EPHA3: variants seen among roughly 807,000 people sequenced by gnomAD.
EPHA3 encodes the protein ephrin type-A receptor 3.
EPHA3 carries 42 observed loss-of-function variants against 107.1 expected under a neutral mutation model. The ratio of observed to expected loss-of-function variants is 0.39; its 90% confidence interval spans 0.31 to 0.51. EPHA3 has a LOEUF of 0.51. Ranked by LOEUF, EPHA3 falls within the 20% of genes least tolerant of loss-of-function variation. EPHA3 has a pLI of 0.78. For missense variants in EPHA3, 1,183 were observed against 1,211.2 expected, an observed-to-expected ratio of 0.98 and a Z score of 0.35; for synonymous variants, 461 against 424.8, an observed-to-expected ratio of 1.09 and a Z score of -1.05.
At chr3:89,232,089 C>A (rs1024059251) in intron 3 of EPHA3, among the ~76,000 whole-genome samples, 1 of 151,960 alleles carries the variant, frequency 6.6e-6, no homozygotes, top group Non-Finnish European at 1.5e-5. Context: ...TCAGAAGGTG[C>A]CCTTTCTGCT....
intron 2 of EPHA3, 83 bp downstream of exon 2, chr3:89,127,356 G>A: frequency 3.7e-6 from 4 of 1,068,524 alleles, no homozygotes; most frequent in Non-Finnish European, 5.7e-6. Flanking sequence ...ATTCTCTAAA[G>A]AGAACTCTTG....
At chr3:89,212,591 T>C (rs1022737442) in intron 3 of EPHA3, among the ~76,000 whole-genome samples, 3 of 18,728 alleles carry the variant, frequency 1.6e-4, no homozygotes, top group African/African-American at 7.1e-4. Flanking sequence ...GGAAACATCA[T>C]GATTTTTTTT....
chr3:89,344,335 C>G (rs1439227108), intron 5 of EPHA3, among the ~76,000 whole-genome samples: 1 of 152,098 alleles, frequency 6.6e-6, no homozygotes, highest in Non-Finnish European at 1.5e-5. Flanking sequence ...AGTTACAAAT[C>G]ACAGTTTAAG....
chr3:89,399,868 A>G, intron 7 of EPHA3: 1 of 1,074,810 alleles, frequency 9.3e-7, no homozygotes, highest in Non-Finnish European at 1.1e-6. Context: ...ATCCATGAGA[A>G]TCTTAATTTT....
intron 2 of EPHA3, among the ~76,000 whole-genome samples, chr3:89,196,864 C>T (rs1009412799): frequency 1.3e-5 from 2 of 152,096 alleles, no homozygotes; most frequent in African/African-American, 4.8e-5. Context: ...TCTATAAAAT[C>T]CCGTGGCTCT....
At chr3:89,221,507 C>A (rs1470586235) in intron 3 of EPHA3, among the ~76,000 whole-genome samples, 1 of 152,034 alleles carries the variant, frequency 6.6e-6, no homozygotes, top group Non-Finnish European at 1.5e-5. Flanking sequence ...CCTTTTTGGT[C>A]TACTCTTCAC....
chr3:89,427,432 G>T (rs1709481226), intron 11 of EPHA3, among the ~76,000 whole-genome samples: 1 of 151,806 alleles, frequency 6.6e-6, no homozygotes, highest in Non-Finnish European at 1.5e-5. Context: ...AGACACATAG[G>T]AGGAAAAGTT....
intron 2 of EPHA3, among the ~76,000 whole-genome samples, chr3:89,184,399 C>T (rs1248362334): frequency 1.3e-5 from 2 of 151,964 alleles, no homozygotes; most frequent in African/African-American, 4.8e-5. Context: ...GAAAGGCCTC[C>T]ATTCATTGGG....
At chr3:89,164,318 G>T (rs915451411) in intron 2 of EPHA3, among the ~76,000 whole-genome samples, 2 of 152,208 alleles carry the variant, frequency 1.3e-5, no homozygotes, top group African/African-American at 4.8e-5. Flanking sequence ...GTACGGATTT[G>T]TGTTGAGCCA....
chr3:89,341,487 G>T (rs1707519666), intron 4 of EPHA3, among the ~76,000 whole-genome samples: 1 of 152,108 alleles, frequency 6.6e-6, no homozygotes, highest in African/African-American at 2.4e-5. Flanking sequence ...ATTCACAAGG[G>T]TTTTGAACAT....
intron 3 of EPHA3, among the ~76,000 whole-genome samples, chr3:89,289,363 G>A (rs772423325): frequency 1.1e-4 from 16 of 151,974 alleles, no homozygotes; most frequent in Non-Finnish European, 2.1e-4. Context: ...ATTAAAGTTG[G>A]TACTCAACAT....
intron 15 of EPHA3, among the ~76,000 whole-genome samples, chr3:89,460,828 T>C (rs1710218514): frequency 7.1e-6 from 1 of 140,290 alleles, no homozygotes; most frequent in South Asian, 2.1e-4. Context: ...TCTCTCTTTT[T>C]TTTTTTTTTT....
At chr3:89,393,774 A>C (rs1453086750) in intron 5 of EPHA3, among the ~76,000 whole-genome samples, 1 of 133,624 alleles carries the variant, frequency 7.5e-6, no homozygotes, top group Non-Finnish European at 1.7e-5. Flanking sequence ...AAAGTAAGCA[A>C]AAATAAATTT....
chr3:89,179,394 C>A (rs1705388005), intron 2 of EPHA3, among the ~76,000 whole-genome samples: 1 of 151,898 alleles, frequency 6.6e-6, no homozygotes, highest in Non-Finnish European at 1.5e-5. Flanking sequence ...TAGTTACCAC[C>A]ATTTGCCTTT....
chr3:89,393,675 T>A (rs998905627), intron 5 of EPHA3, among the ~76,000 whole-genome samples: 2 of 152,182 alleles, frequency 1.3e-5, no homozygotes, highest in Non-Finnish European at 2.9e-5. Context: ...ATTTCCTCAT[T>A]GTAGAAAATG....
At chr3:89,352,230 CT>C (rs1707842624) in intron 5 of EPHA3, among the ~76,000 whole-genome samples, 1 of 151,372 alleles carries the variant, frequency 6.6e-6, no homozygotes, top group Non-Finnish European at 1.5e-5. Context: ...CAACCTCCTT[CT>C]TTTCCCCTTA....
intron 3 of EPHA3, among the ~76,000 whole-genome samples, chr3:89,337,576 C>T (rs1210021129): frequency 1.3e-5 from 2 of 152,302 alleles, no homozygotes; most frequent in Admixed American, 1.3e-4. Flanking sequence ...AAATGACTAT[C>T]TATTCATTCG....
At chr3:89,471,256 C>A (rs1439175357) in intron 15 of EPHA3, among the ~76,000 whole-genome samples, 1 of 151,776 alleles carries the variant, frequency 6.6e-6, no homozygotes, top group East Asian at 1.9e-4. Context: ...TTGTCTCATT[C>A]ATTTCCTTTA....
chr3:89,242,260 T>C (rs1704913786), intron 3 of EPHA3, among the ~76,000 whole-genome samples: 1 of 152,218 alleles, frequency 6.6e-6, no homozygotes, highest in South Asian at 2.1e-4. Context: ...TTAAAATCCA[T>C]AGACCATTTC....
Sources: allele counts gnomAD v4.1 joint callset (sites outside exome capture counted in the v4.1 genomes callset), GRCh38; gene constraint gnomAD v4.1.1; transcripts MANE v1.5; gene names NCBI Gene and HGNC (gene_info 2026-07-23, HGNC 2026-07-21).